The following LCOR variants were observed in gnomAD, a reference collection of about 807,000 sequenced individuals.
LCOR encodes the protein ligand dependent nuclear receptor corepressor.
In LCOR, 14 loss-of-function variants were observed where a neutral mutation model predicts 64.4. That is an observed-to-expected ratio of 0.22 (90% CI 0.14 to 0.34). LCOR has a LOEUF of 0.34. LCOR is among the 10% of genes least tolerant of loss of function. The probability of loss-of-function intolerance (pLI) is 1.00; values close to 1 mark genes in which losing one functional copy is unlikely to be tolerated. For synonymous variants in LCOR, 643 were observed against 642.5 expected (o/e 1.00, Z -0.01); for missense variants, 1,686 against 1,765.3 (o/e 0.96, Z 0.80).
At chr10:96,979,127 T>TCTA (rs1848061414) in intron 7 of LCOR, among the ~76,000 whole-genome samples, 2 of 152,106 alleles carry the variant, frequency 1.3e-5, no homozygotes, top group Non-Finnish European at 2.9e-5. Flanking sequence ...TTGTCTAGGG[T>TCTA]CAGCCTTCCT....
At chr10:96,888,978 TC>T (rs1371137390) in intron 2 of LCOR, among the ~76,000 whole-genome samples, 2 of 152,246 alleles carry the variant, frequency 1.3e-5, no homozygotes, top group African/African-American at 4.8e-5. Context: ...AGTTGTATCT[TC>T]CGTTATTTCA....
At chr10:96,912,367 A>G (rs1846853296) in intron 4 of LCOR, among the ~76,000 whole-genome samples, 1 of 152,236 alleles carries the variant, frequency 6.6e-6, no homozygotes, top group African/African-American at 2.4e-5. Flanking sequence ...TAACCACAGT[A>G]CAATTATAAG....
chr10:96,983,011 C>T lies in LCOR; in HGVS notation c.2551C>T (p.Pro851Ser), dbSNP rs771729643. The change falls in exon 8 of 8, where the codon CCT becomes TCT. Residue 851 changes from proline (P) to serine (S), a missense_variant. Around this residue, in one of 3 missense-constraint regions of LCOR, gnomAD observed 1,293 missense variants for 1,410.4 expected, o/e 0.92. Transcript: ENST00000421806. This position sits in a 1 kb window ranked among gnomAD's most constrained non-coding sequence, Gnocchi z 4.5. ...TCTTGAAATCAAAGTTCCTAAAAAT[C>T]CTAGTGCAAAACGTTCAAAAAAAGA... ...ACLEIKVPKN[P>S]SAKRSKKEGH... is the part of the protein sequence containing the mutation. The T allele has an allele frequency of 8.7e-6, 14 of 1,613,716 alleles. No individual in the cohort carries two copies. Among genetic ancestry groups the T allele is most frequent in the Non-Finnish European group, 9.3e-6 (11 of 1,179,874 alleles).
In LCOR at chr10:96,991,096, T is replaced by C. The variant is rs549927707; in HGVS notation, c.*5962T>C. 6.6e-6 allele frequency: 1 copy of C among 151,838 alleles called. No individual in the cohort carries two copies. The highest frequency in any genetic ancestry group is 2.4e-5 in the African/African-American group (1 of 41,430). 9.4% of individuals were successfully genotyped at this position (151,838 alleles called of 1,614,324 possible). ...TGAAATATTTACTTCCTGACCCTTT[T>C]GTGGAAAAGCTCTACTGATCCTTAT... On this transcript the variant is annotated 3_prime_UTR_variant, in exon 8 of 8. Transcript: ENST00000421806.
chr10:96,918,427 G>A (rs1470214038), intron 4 of LCOR, among the ~76,000 whole-genome samples: 7 of 152,150 alleles, frequency 4.6e-5, no homozygotes, highest in Admixed American at 2.6e-4. Flanking sequence ...CAGCATTGAT[G>A]AATATGTGGG....
intron 2 of LCOR, among the ~76,000 whole-genome samples, chr10:96,841,652 C>T (rs941840579): frequency 2.4e-4 from 37 of 151,966 alleles, no homozygotes; most frequent in African/African-American, 7.3e-4. Context: ...TGAGCCACCG[C>T]GCCTGGCCAA....
chr10:96,946,741 T>C (rs1195148993), intron 5 of LCOR, among the ~76,000 whole-genome samples: 1 of 152,106 alleles, frequency 6.6e-6, no homozygotes, highest in African/African-American at 2.4e-5. Flanking sequence ...TGACTGTGTT[T>C]TCATTCAATA....
chr10:96,920,534 A>C, intron 4 of LCOR, among the ~76,000 whole-genome samples: 1 of 143,128 alleles, frequency 7.0e-6, no homozygotes, highest in African/African-American at 2.6e-5. Context: ...ATGTGTATAT[A>C]TGTATGTATA....
chr10:96,857,820 T>C (rs981497457), intron 2 of LCOR, among the ~76,000 whole-genome samples: 31 of 152,186 alleles, frequency 2.0e-4, no homozygotes, highest in Admixed American at 1.8e-3. Flanking sequence ...AAGGTTACTT[T>C]AACCAGCATG....
chr10:96,982,421 T>C lies in LCOR; in HGVS notation c.1961T>C (p.Val654Ala), dbSNP rs775587920. The change falls in exon 8 of 8, where the codon GTT becomes GCT. Residue 654 changes from valine to alanine, a missense_variant. Physicochemically the swap from Val to Ala is moderately conservative, Grantham distance 64. This residue lies in a region of LCOR where 1,293 missense variants were observed against 1,410.4 expected (regional missense o/e 0.92). Coordinates refer to ENST00000421806, the MANE Select transcript of LCOR (RefSeq NM_001346516.2). ...TCTCCTGAACACAACCAACCACCAG[T>C]TGCACTGTTGGATACGGAGGAGATG... is the stretch of plus-strand genomic sequence containing the variant. The part of the protein sequence containing the change: ...MSSPEHNQPP[V>A]ALLDTEEMSV... 9 of 1,614,086 alleles carry C rather than the reference T, an allele frequency of 5.6e-6. No homozygotes were observed. Among genetic ancestry groups the C allele is most frequent in the Admixed American group, 1.7e-5 (1 of 60,006 alleles).
intron 2 of LCOR, among the ~76,000 whole-genome samples, chr10:96,850,585 C>CA (rs1301056055): frequency 6.6e-6 from 1 of 152,070 alleles, no homozygotes; most frequent in Non-Finnish European, 1.5e-5. Context: ...CTCCTGAGCT[C>CA]AAGTGATCCT....
intron 7 of LCOR, among the ~76,000 whole-genome samples, chr10:96,952,748 G>A (rs1847703166): frequency 1.3e-5 from 2 of 152,112 alleles, no homozygotes; most frequent in South Asian, 2.1e-4. Context: ...ACTCTTAGGA[G>A]TCTAAAGTAA....
chr10:96,982,538 C>T lies in LCOR; in HGVS notation c.2078C>T (p.Pro693Leu). 1.2e-6 allele frequency: 2 copies of T among 1,614,164 alleles called. No homozygotes were observed. The highest frequency in any genetic ancestry group is 1.7e-6 in the Non-Finnish European group (2 of 1,180,044). ...GTCATTTCTAGGCCTCATTCTCCTCCTGAAATAGTCAGTAGAGAAGAAAGT... is the reference window on the plus strand; with the variant it reads ...GTCATTTCTAGGCCTCATTCTCCTCTTGAAATAGTCAGTAGAGAAGAAAGT... ...EDVISRPHSP[P>L]EIVSREESPQ... The change falls in exon 8 of 8, where the codon CCT becomes CTT. Residue 693 changes from proline (P) to leucine (L), a missense_variant. Pro to Leu is a moderately conservative substitution (Grantham distance 98, BLOSUM62 -3). Coordinates refer to ENST00000421806, the MANE Select transcript of LCOR (RefSeq NM_001346516.2).
rs1356806016 is a variant in LCOR, at chr10:96,920,381, CAT to C, written c.-184+12643_-184+12644del. ...TCTTGTTAAATTGTAGTTCTTCATT[CAT>C]ATATATATGTGTATATATGTGTATA... On this transcript the variant is annotated intron_variant, in intron 4 of 7. Transcript: ENST00000421806. Among the ~76,000 whole-genome samples the C allele has an allele frequency of 1.6e-4, 13 of 78,960 alleles. No individual in the cohort carries two copies. In the East Asian group the frequency reaches 4.1e-3, roughly 25 times the overall value. The allele number at this position is 78,960 out of a possible 152,430, so 51.8% of individuals were successfully genotyped here.
chr10:96,976,372 A>G (rs144370835), intron 7 of LCOR, among the ~76,000 whole-genome samples: 1 of 152,224 alleles, frequency 6.6e-6, no homozygotes, highest in East Asian at 1.9e-4. Context: ...GCTGTATTAC[A>G]TTGTTCCAGG....
intron 4 of LCOR, among the ~76,000 whole-genome samples, chr10:96,934,815 T>G (rs1847319995): frequency 6.6e-6 from 1 of 152,174 alleles, no homozygotes; most frequent in South Asian, 2.1e-4. Context: ...TTGGCCAGAC[T>G]GGTGTCAAAC....
intron 2 of LCOR, among the ~76,000 whole-genome samples, chr10:96,884,398 T>G (rs1382716535): frequency 6.6e-6 from 1 of 152,232 alleles, no homozygotes; most frequent in African/African-American, 2.4e-5. Flanking sequence ...TGGATTCTTT[T>G]GCAGGGCATA....
At chr10:96,976,773 T>G (rs1223489109) in intron 7 of LCOR, among the ~76,000 whole-genome samples, 1 of 152,254 alleles carries the variant, frequency 6.6e-6, no homozygotes, top group Non-Finnish European at 1.5e-5. Flanking sequence ...GTCTTCTTAC[T>G]GCATGCATAC....
intron 4 of LCOR, among the ~76,000 whole-genome samples, chr10:96,929,678 A>G (rs747518687): frequency 5.9e-5 from 9 of 152,222 alleles, no homozygotes; most frequent in Non-Finnish European, 1.3e-4. Flanking sequence ...CAAGTTGGCT[A>G]ACTGACATTA....
Sources: gnomAD v4.1 joint callset for allele counts (sites outside exome capture counted in the v4.1 genomes callset) on GRCh38, gnomAD v4.1.1 for gene constraint, gnomAD v4.1.1 regional missense constraint, Gnocchi (gnomAD v3.1) non-coding constraint, MANE v1.5 for transcripts, NCBI Gene and HGNC (gene_info 2026-07-23, HGNC 2026-07-21) for gene names.